NRXN1: variants seen among roughly 807,000 people sequenced by gnomAD.
NRXN1 encodes neurexin 1.
NRXN1 carries 39 observed loss-of-function variants against 150.9 expected under a neutral mutation model. The ratio of observed to expected loss-of-function variants is 0.26; its 90% CI spans 0.20 to 0.34. The LOEUF is 0.34. Among genes scored for constraint, NRXN1 ranks in the 10% least tolerant of loss-of-function variants. NRXN1 has a pLI of 1.00. For missense variants in NRXN1, 1,815 were observed against 1,949.9 expected, an observed-to-expected ratio of 0.93 and a Z score of 1.30; for synonymous variants, 924 against 757.0, an observed-to-expected ratio of 1.22 and a Z score of -3.62.
At chr2:50,669,856 A>G (rs1688590749) in intron 5 of NRXN1, among the ~76,000 whole-genome samples, 1 of 142,868 alleles carries the variant, frequency 7.0e-6, no homozygotes, top group Admixed American at 7.3e-5. Flanking sequence ...ATAAAAAAAG[A>G]TAAATCCAAA....
chr2:49,988,410 T>C (rs1462513466), intron 21 of NRXN1, among the ~76,000 whole-genome samples: 1 of 151,148 alleles, frequency 6.6e-6, no homozygotes, highest in Non-Finnish European at 1.5e-5. Context: ...AAAAGAGGGG[T>C]CACAGATCTG....
intron 17 of NRXN1, among the ~76,000 whole-genome samples, chr2:50,372,458 T>C (rs2080099102): frequency 6.6e-6 from 1 of 152,046 alleles, no homozygotes; most frequent in Non-Finnish European, 1.5e-5. Context: ...TTAATAGTCA[T>C]GAGGTTCACC....
At chr2:50,162,676 A>T (rs550054994) in intron 18 of NRXN1, among the ~76,000 whole-genome samples, 275 of 152,262 alleles carry the variant, frequency 1.8e-3, no homozygotes, top group Middle Eastern at 3.4e-3. Context: ...GACATTTTGT[A>T]TTTCACAAGA....
intron 5 of NRXN1, among the ~76,000 whole-genome samples, chr2:50,808,092 T>A (rs1166676932): frequency 2.0e-5 from 3 of 152,234 alleles, no homozygotes; most frequent in African/African-American, 7.2e-5. Flanking sequence ...GTAGGCACTT[T>A]TATAACTATG....
chr2:50,810,218 G>A (rs1317752646), intron 5 of NRXN1, among the ~76,000 whole-genome samples: 1 of 152,098 alleles, frequency 6.6e-6, no homozygotes, highest in Admixed American at 6.6e-5. Context: ...ATATGGTAAA[G>A]GTGTTGCTTT....
intron 5 of NRXN1, among the ~76,000 whole-genome samples, chr2:50,771,675 G>C (rs1703028558): frequency 6.6e-6 from 1 of 152,162 alleles, no homozygotes; most frequent in South Asian, 2.1e-4. Context: ...TGGAATCTTG[G>C]AAGTCTGAGG....
chr2:50,487,303 A>T (rs956519665), intron 15 of NRXN1, among the ~76,000 whole-genome samples: 1 of 152,218 alleles, frequency 6.6e-6, no homozygotes, highest in African/African-American at 2.4e-5. Flanking sequence ...ATTATTAATT[A>T]TAATGCTATA....
intron 18 of NRXN1, among the ~76,000 whole-genome samples, chr2:50,191,085 C>G (rs3850328): frequency 9.2e-5 from 14 of 151,704 alleles, no homozygotes; most frequent in Non-Finnish European, 1.9e-4. Flanking sequence ...CTGGAGTGCA[C>G]TGGCGTGATC....
At chr2:50,162,642 TAC>T (rs999201806) in intron 18 of NRXN1, among the ~76,000 whole-genome samples, 4 of 151,812 alleles carry the variant, frequency 2.6e-5, no homozygotes, top group Non-Finnish European at 5.9e-5. Context: ...AAATGTATAT[TAC>T]ACACACACAC....
chr2:51,022,379 C>T (rs1243530113), intron 2 of NRXN1, among the ~76,000 whole-genome samples: 8 of 152,034 alleles, frequency 5.3e-5, no homozygotes, highest in Non-Finnish European at 1.2e-4. Flanking sequence ...GGCAGTCTGG[C>T]CCAAGAGTCT....
chr2:50,162,336 T>G (rs56129869), intron 18 of NRXN1, among the ~76,000 whole-genome samples: 2 of 152,162 alleles, frequency 1.3e-5, no homozygotes, highest in East Asian at 1.9e-4. Context: ...AAACTCTTCA[T>G]GGACCTTATA....
intron 17 of NRXN1, among the ~76,000 whole-genome samples, chr2:50,329,605 GTGTGTGTGTGTGTATATATATATATA>G (rs2076628762): frequency 3.7e-5 from 1 of 27,332 alleles, no homozygotes; most frequent in African/African-American, 1.1e-4. Context: ...GTGTGTGTGT[GTGTGTGTGTGTGTATATATATATATA>G]TATATATATA....
At chr2:50,035,424 CA>C (rs764899690) in intron 21 of NRXN1, among the ~76,000 whole-genome samples, 15 of 152,156 alleles carry the variant, frequency 9.9e-5, no homozygotes, top group East Asian at 7.7e-4. Context: ...AAAAAACTCT[CA>C]AAAACATGCT....
chr2:50,786,659 T>G (rs940586565), intron 5 of NRXN1, among the ~76,000 whole-genome samples: 1 of 152,172 alleles, frequency 6.6e-6, no homozygotes, highest in Non-Finnish European at 1.5e-5. Flanking sequence ...GAGACACATC[T>G]GTGTGTGTCT....
intron 5 of NRXN1, among the ~76,000 whole-genome samples, chr2:50,768,467 A>ATT (rs111995079): frequency 1.1e-4 from 16 of 144,314 alleles, no homozygotes; most frequent in Non-Finnish European, 2.1e-4. Context: ...CACCCTGATG[A>ATT]TTTTTTTTTT....
chr2:50,138,974 G>A (rs1402296449), intron 18 of NRXN1, among the ~76,000 whole-genome samples: 1 of 152,150 alleles, frequency 6.6e-6, no homozygotes, highest in African/African-American at 2.4e-5. Flanking sequence ...GCAGATAAAA[G>A]GTAAAGGTTT....
At chr2:50,961,113 T>A (rs562994302) in intron 2 of NRXN1, among the ~76,000 whole-genome samples, 1 of 152,060 alleles carries the variant, frequency 6.6e-6, no homozygotes, top group East Asian at 1.9e-4. Flanking sequence ...AGATTATATG[T>A]CCATTGACAG....
intron 2 of NRXN1, among the ~76,000 whole-genome samples, chr2:50,989,870 T>A (rs1028386694): frequency 6.6e-6 from 1 of 152,078 alleles, no homozygotes; most frequent in Non-Finnish European, 1.5e-5. Flanking sequence ...TTAGACTTTA[T>A]CAGAACCTGT....
At chr2:50,100,850 T>C (rs532225489) in intron 18 of NRXN1, among the ~76,000 whole-genome samples, 3 of 152,210 alleles carry the variant, frequency 2.0e-5, no homozygotes, top group Admixed American at 1.3e-4. Flanking sequence ...TGTCTTTTAT[T>C]ATTTTTCTCC....
Sources: gnomAD v4.1 joint callset for allele counts (sites outside exome capture counted in the v4.1 genomes callset) on GRCh38, gnomAD v4.1.1 for gene constraint, MANE v1.5 for transcripts, NCBI Gene and HGNC (gene_info 2026-07-23, HGNC 2026-07-21) for gene names.